Variants in ZNF736 observed in about 807,000 individuals in gnomAD.
ZNF736 encodes the protein KRAB-containing zinc-finger repressor protein.
ZNF736 carries 6 observed loss-of-function variants against 11.7 expected under a neutral mutation model. The ratio of observed to expected loss-of-function variants is 0.51; its 90% CI spans 0.28 to 1.01. ZNF736 has a LOEUF of 1.01. Ranked by LOEUF, ZNF736 falls within the 50% of genes least tolerant of loss-of-function variation. The probability of loss-of-function intolerance (pLI) is 0.09; values close to 1 mark genes in which losing one functional copy is unlikely to be tolerated. For missense variants in ZNF736, 444 were observed against 496.0 expected (o/e 0.90, Z 1.00); for synonymous variants, 139 against 164.7 (o/e 0.84, Z 1.19).
Position 64,349,114 on chromosome 7 carries a change from A to G in ZNF736, c.1251A>G (p.Arg417=), listed in dbSNP as rs1323527446. Residue 417 remains arginine (R), a synonymous_variant, in exon 4 of 4, where the codon AGA becomes AGG. Transcript: ENST00000423484. ...SWFSHLIRHK[R]IHTREKLHKC ...TCTCACACCTCATCAGACATAAGAGAATTCATACTAGAGAGAAGCTCCACA... is the reference window on the plus strand; with the variant it reads ...TCTCACACCTCATCAGACATAAGAGGATTCATACTAGAGAGAAGCTCCACA... The G allele has an allele frequency of 5.1e-6, 8 of 1,569,590 alleles. No individual in the cohort carries two copies. Among genetic ancestry groups the G allele is most frequent in the Non-Finnish European group, 6.9e-6 (8 of 1,157,826 alleles).
chr7:64,347,654 C>T (rs602605), intron 3 of ZNF736, among the ~76,000 whole-genome samples: 148,537 of 152,290 alleles, frequency 0.98, 72,515 homozygotes, highest in Non-Finnish European at 1. Flanking sequence ...ACTGTCAGTG[C>T]ATACCACCTT....
In ZNF736 at chr7:64,356,295, G is replaced by A. The variant is rs367883731; in HGVS notation, c.*7148G>A. The A allele has an allele frequency of 6.6e-6, 1 of 152,032 alleles. No homozygotes were observed. Among genetic ancestry groups the A allele is most frequent in the Non-Finnish European group, 1.5e-5 (1 of 67,992 alleles). 9.4% of individuals were successfully genotyped at this position (152,032 alleles called of 1,614,324 possible). ...TTAATCTTTAAGTTTTACTACTGAA[G>A]GCCAGAATAGATTTTTTTCTCTTAA... On this transcript the variant is annotated 3_prime_UTR_variant, in exon 4 of 4. Transcript: ENST00000423484.
At chr7:64,326,852 C>T (rs1789089594) in intron 1 of ZNF736, among the ~76,000 whole-genome samples, 1 of 151,934 alleles carries the variant, frequency 6.6e-6, no homozygotes, top group South Asian at 2.1e-4. Flanking sequence ...TGTATAGTTT[C>T]GAAAGTTTTT....
At chr7:64,315,005 A>G (rs1788892107) in intron 1 of ZNF736, among the ~76,000 whole-genome samples, 1 of 152,200 alleles carries the variant, frequency 6.6e-6, no homozygotes, top group African/African-American at 2.4e-5. Context: ...CGAATAGTTT[A>G]GCACCATTCC....
chr7:64,328,545 G>T (rs1789113826), intron 1 of ZNF736, among the ~76,000 whole-genome samples: 1 of 152,104 alleles, frequency 6.6e-6, no homozygotes, highest in Non-Finnish European at 1.5e-5. Context: ...CGGATCACAA[G>T]GTCAGGAGAT....
intron 3 of ZNF736, among the ~76,000 whole-genome samples, chr7:64,342,744 A>C (rs529045896): frequency 3.0e-4 from 45 of 152,226 alleles, no homozygotes; most frequent in Non-Finnish European, 6.0e-4. Context: ...TAAACTAGAT[A>C]ATTAATAGGC....
intron 3 of ZNF736, among the ~76,000 whole-genome samples, chr7:64,345,671 T>C (rs1278058651): frequency 1.5e-5 from 2 of 137,146 alleles, no homozygotes; most frequent in South Asian, 4.5e-4. Context: ...GAGGTGGAGG[T>C]TGCAGTGAGC....
intron 1 of ZNF736, among the ~76,000 whole-genome samples, chr7:64,317,554 T>C (rs956765319): frequency 4.6e-5 from 7 of 152,156 alleles, no homozygotes; most frequent in Non-Finnish European, 7.4e-5. Flanking sequence ...TACCCTTCAA[T>C]TTAGTGGCAC....
At chr7:64,323,743 C>T (rs1167411127) in intron 1 of ZNF736, among the ~76,000 whole-genome samples, 4 of 151,950 alleles carry the variant, frequency 2.6e-5, no homozygotes, top group Non-Finnish European at 4.4e-5. Context: ...TGTCAGGGGG[C>T]GGGGAAAGCA....
In ZNF736 at chr7:64,316,944, GTCTC is replaced by G. The variant is rs911312745; in HGVS notation, c.3+2796_3+2799del. On this transcript the variant is annotated intron_variant, in intron 1 of 3. Transcript: ENST00000423484. ...CTACCTGGGAAAAGACAGAGGAAATGTCTCTCTCATGATGCCTGCAGAAAAATAA... is the reference window on the plus strand; with the variant it reads ...CTACCTGGGAAAAGACAGAGGAAATGTCTCATGATGCCTGCAGAAAAATAA... Among the ~76,000 whole-genome samples, 10 of 152,290 alleles carry G rather than the reference GTCTC, an allele frequency of 6.6e-5. No individual in the cohort carries two copies. The South Asian group carries it at 2.1e-3, about 32-fold the overall frequency.
At chr7:64,327,414 T>C (rs1205358499) in intron 1 of ZNF736, among the ~76,000 whole-genome samples, 2 of 152,164 alleles carry the variant, frequency 1.3e-5, no homozygotes, top group African/African-American at 4.8e-5. Flanking sequence ...TCTTCATAGG[T>C]GAAGTGTGTG....
intron 3 of ZNF736, among the ~76,000 whole-genome samples, chr7:64,338,900 A>G (rs1789297224): frequency 6.6e-6 from 1 of 152,020 alleles, no homozygotes; most frequent in South Asian, 2.1e-4. Context: ...TTTTTAAAAG[A>G]ACCTACATAC....
intron 1 of ZNF736, 21 bp downstream of exon 1, chr7:64,314,174 TC>T (rs1788877974): frequency 6.4e-7 from 1 of 1,551,698 alleles, no homozygotes; most frequent in African/African-American, 1.4e-5. Flanking sequence ...GGAGTGGGTG[TC>T]CCGAGAATGG....
intron 1 of ZNF736, among the ~76,000 whole-genome samples, chr7:64,331,027 T>C (rs1210339112): frequency 2.0e-5 from 3 of 152,144 alleles, no homozygotes; most frequent in Non-Finnish European, 4.4e-5. Context: ...AGGGTAAGGG[T>C]AATAATGCAG....
intron 2 of ZNF736, 124 bp from the exon 3 acceptor site, chr7:64,336,763 A>G (rs1789257033): frequency 2.5e-6 from 2 of 813,672 alleles, no homozygotes; most frequent in Non-Finnish European, 3.9e-6. Context: ...CTGTTAGGAA[A>G]CAGTATATTA....
chr7:64,328,249 T>C (rs1467839973), intron 1 of ZNF736, among the ~76,000 whole-genome samples: 1 of 25,402 alleles, frequency 3.9e-5, no homozygotes, highest in Non-Finnish European at 1.1e-4. Flanking sequence ...TTGTCAGTTG[T>C]TTTTGTTTTT....
chr7:64,346,571 T>A (rs73368020), intron 3 of ZNF736, among the ~76,000 whole-genome samples: 2 of 152,096 alleles, frequency 1.3e-5, no homozygotes, highest in Non-Finnish European at 2.9e-5. Flanking sequence ...TGCAGAAGCA[T>A]GCATATAAAT....
At chr7:64,316,658 C>T (rs1292491076) in intron 1 of ZNF736, among the ~76,000 whole-genome samples, 3 of 152,018 alleles carry the variant, frequency 2.0e-5, no homozygotes, top group African/African-American at 4.8e-5. Context: ...CTGTGTTTGT[C>T]ACCTTCAATA....
At chr7:64,341,329 C>T (rs1300919246) in intron 3 of ZNF736, among the ~76,000 whole-genome samples, 1 of 151,138 alleles carries the variant, frequency 6.6e-6, no homozygotes, top group Non-Finnish European at 1.5e-5. Context: ...TTTTATGTTA[C>T]GTGATCCTTT....
Sources: allele counts gnomAD v4.1 joint callset (sites outside exome capture counted in the v4.1 genomes callset), GRCh38; gene constraint gnomAD v4.1.1; transcripts MANE v1.5; gene names NCBI Gene and HGNC (gene_info 2026-07-23, HGNC 2026-07-21).